PDE4B: variants seen among roughly 807,000 people sequenced by gnomAD.
PDE4B encodes phosphodiesterase 4B.
In PDE4B, 20 loss-of-function variants were observed where a neutral mutation model predicts 82.2. The ratio of observed to expected loss-of-function variants is 0.24; its 90% CI spans 0.17 to 0.35. The LOEUF is 0.35. PDE4B is among the 10% of genes least tolerant of loss of function. The pLI is 1.00. For synonymous variants in PDE4B, 320 were observed against 318.9 expected (o/e 1.00, Z -0.04); for missense variants, 655 against 907.2 (o/e 0.72, Z 3.57).
chr1:65,874,228 T>G lies in PDE4B; in HGVS notation c.-70-39017T>G, dbSNP rs201199168. Among the ~76,000 whole-genome samples, 548 of 151,794 alleles carry G rather than the reference T, an allele frequency of 3.6e-3. 4 individuals carry two copies. Among genetic ancestry groups the G allele is most frequent in the Admixed American group, 6.2e-3 (94 of 15,240 alleles). On this transcript the variant is annotated intron_variant, in intron 1 of 16. Coordinates refer to ENST00000341517, the MANE Select transcript of PDE4B (RefSeq NM_002600.4). Reference sequence around the variant, plus strand: ...ATTTGGCTCTCTGTTTGTCTGTTGTTGGTGTATAAGAATGCTTGTGATTTT... The same window carrying G: ...ATTTGGCTCTCTGTTTGTCTGTTGTGGGTGTATAAGAATGCTTGTGATTTT...
intron 7 of PDE4B, among the ~76,000 whole-genome samples, chr1:66,268,667 C>CAAAAAAAAAAAAAA: frequency 1.6e-5 from 1 of 61,236 alleles, no homozygotes; most frequent in Non-Finnish European, 2.8e-5. Context: ...GACTCCATCT[C>CAAAAAAAAAAAAAA]AAAAAAAAAA....
intron 3 of PDE4B, among the ~76,000 whole-genome samples, chr1:65,919,040 C>T (rs953716670): frequency 6.6e-6 from 1 of 152,082 alleles, no homozygotes; most frequent in Non-Finnish European, 1.5e-5. Flanking sequence ...AAGGAACATG[C>T]TTCATTTAAA....
At chr1:66,179,342 A>G (rs1000623403) in intron 3 of PDE4B, among the ~76,000 whole-genome samples, 2 of 152,168 alleles carry the variant, frequency 1.3e-5, no homozygotes, top group Admixed American at 6.6e-5. Flanking sequence ...TTATTTGTCA[A>G]TGGTCAGTGC....
chr1:65,953,942 A>G (rs1649129645), intron 3 of PDE4B, among the ~76,000 whole-genome samples: 1 of 152,116 alleles, frequency 6.6e-6, no homozygotes. Context: ...TCTGTTGCCT[A>G]GGCTGGAGTG....
chr1:66,147,702 C>T (rs1392657154), intron 3 of PDE4B, among the ~76,000 whole-genome samples: 3 of 152,120 alleles, frequency 2.0e-5, no homozygotes, highest in Admixed American at 6.5e-5. Context: ...TCCAGTGGGG[C>T]GTTTCTTAGC....
chr1:66,084,952 G>A (rs1383905521), intron 3 of PDE4B, among the ~76,000 whole-genome samples: 5 of 152,160 alleles, frequency 3.3e-5, no homozygotes, highest in African/African-American at 1.2e-4. Flanking sequence ...AGTTAGGGCA[G>A]GGATGGTGGG....
chr1:66,096,514 A>ATATATATATATATATG lies in PDE4B; in HGVS notation c.282-150931_282-150930insGTATATATATATATAT, dbSNP rs1645119778. Among the ~76,000 whole-genome samples the ATATATATATATATATG allele has an allele frequency of 1.5e-5, 2 of 135,216 alleles. 1 individual carries two copies. The highest frequency in any genetic ancestry group is 5.7e-5 in the African/African-American group (2 of 35,270). 88.7% of individuals were successfully genotyped at this position (135,216 alleles called of 152,430 possible). ...GCGGTATAAGTAAAAAAAATTATAT[A>ATATATATATATATATG]TATATATATATATATATATATATAT... is the stretch of plus-strand genomic sequence containing the variant. On this transcript the variant is annotated intron_variant, in intron 3 of 16. Coordinates refer to ENST00000341517, the MANE Select transcript of PDE4B (RefSeq NM_002600.4).
At chr1:66,016,697 A>G (rs1276008538) in intron 3 of PDE4B, among the ~76,000 whole-genome samples, 1 of 152,244 alleles carries the variant, frequency 6.6e-6, no homozygotes, top group Non-Finnish European at 1.5e-5. Context: ...GCAAAATATC[A>G]TAAGAAAAAA....
Position 65,834,994 on chromosome 1 carries a change from G to A in PDE4B, c.-71+41746G>A, listed in dbSNP as rs1208240392. On this transcript the variant is annotated intron_variant, in intron 1 of 16. Transcript: ENST00000341517. The stretch of plus-strand genomic sequence containing the variant: ...ACTCTATCCATCTATAGCTCTCAAC[G>A]CCTCTGGAATTTAACCTCCATAAAG... Among the ~76,000 whole-genome samples, 6 of 152,190 alleles carry A rather than the reference G, an allele frequency of 3.9e-5. No individual in the cohort carries two copies. The South Asian group carries it at 6.2e-4, about 16-fold the overall frequency.
chr1:65,981,987 T>C (rs1481858304), intron 3 of PDE4B, among the ~76,000 whole-genome samples: 1 of 152,206 alleles, frequency 6.6e-6, no homozygotes, highest in Non-Finnish European at 1.5e-5. Flanking sequence ...ACTGTGGTAT[T>C]ACCAAGAAGT....
intron 3 of PDE4B, among the ~76,000 whole-genome samples, chr1:66,116,409 C>G (rs751054829): frequency 5.3e-5 from 8 of 152,132 alleles, no homozygotes; most frequent in Non-Finnish European, 1.2e-4. Context: ...GTGCTGGGCT[C>G]CCTTCCTCCC....
At chr1:66,063,010 G>C (rs1466012848) in intron 3 of PDE4B, 1 of 151,938 alleles carries the variant, frequency 6.6e-6, no homozygotes, top group Admixed American at 6.6e-5. Context: ...AACATAGCCT[G>C]GTAGCTGGTG....
At chr1:65,927,880 G>A (rs1456698346) in intron 3 of PDE4B, among the ~76,000 whole-genome samples, 2 of 152,086 alleles carry the variant, frequency 1.3e-5, no homozygotes, top group African/African-American at 4.8e-5. Context: ...ATTATGCACT[G>A]GGGAAATGAC....
intron 3 of PDE4B, among the ~76,000 whole-genome samples, chr1:66,199,413 T>C (rs1234852148): frequency 6.6e-6 from 1 of 152,244 alleles, no homozygotes; most frequent in Non-Finnish European, 1.5e-5. Context: ...TGGCTTCTTT[T>C]GAGAAGTGTC....
At chr1:66,009,951 A>C (rs1448953327) in intron 3 of PDE4B, among the ~76,000 whole-genome samples, 2 of 139,616 alleles carry the variant, frequency 1.4e-5, no homozygotes, top group Admixed American at 1.4e-4. Context: ...CTATCTATCT[A>C]TCATCTATCT....
intron 3 of PDE4B, among the ~76,000 whole-genome samples, chr1:66,187,380 G>T (rs1312519158): frequency 6.6e-6 from 1 of 151,934 alleles, no homozygotes; most frequent in African/African-American, 2.4e-5. Context: ...CTCTTTTTCT[G>T]TTGATTGGAA....
intron 3 of PDE4B, among the ~76,000 whole-genome samples, chr1:66,052,552 C>A (rs548133465): frequency 5.2e-5 from 6 of 115,978 alleles, no homozygotes; most frequent in Non-Finnish European, 1.1e-4. Flanking sequence ...GTTCAGGGAC[C>A]GAGTTTTTTT....
At chr1:66,298,728 A>C (rs1657681911) in intron 7 of PDE4B, among the ~76,000 whole-genome samples, 2 of 152,220 alleles carry the variant, frequency 1.3e-5, no homozygotes, top group Admixed American at 6.5e-5. Flanking sequence ...CACTTGTACA[A>C]ACATTCCCTG....
chr1:66,372,776 C>A lies in PDE4B; in HGVS notation c.*98C>A, dbSNP rs1390035338. The A allele has an allele frequency of 1.6e-6, 2 of 1,234,094 alleles. No individual in the cohort carries two copies. The highest frequency in any genetic ancestry group is 1.5e-5 in the African/African-American group (1 of 66,104). 76.4% of individuals were successfully genotyped at this position (1,234,094 alleles called of 1,614,324 possible). On this transcript the variant is annotated 3_prime_UTR_variant, in exon 17 of 17. Coordinates refer to ENST00000341517, the MANE Select transcript of PDE4B (RefSeq NM_002600.4). ...CATGGGGGCCAAGACCTGCACAGGA[C>A]AAGGGCCACCTGGCCTTTCAGTTAC...
Sources: gnomAD v4.1 joint callset for allele counts (sites outside exome capture counted in the v4.1 genomes callset) on GRCh38, gnomAD v4.1.1 for gene constraint, MANE v1.5 for transcripts, NCBI Gene and HGNC (gene_info 2026-07-23, HGNC 2026-07-21) for gene names.